Variants in CEP131 observed in about 807,000 individuals in gnomAD.
The protein encoded by CEP131 is centrosomal protein 131.
In CEP131, 99 loss-of-function variants were observed where a neutral mutation model predicts 136.8. The observed-to-expected ratio is 0.72, with a 90% confidence interval of 0.62 to 0.86. The LOEUF (loss-of-function observed/expected upper bound fraction) is 0.86. Ranked by LOEUF, CEP131 falls within the 40% of genes least tolerant of loss-of-function variation. CEP131 has a pLI of 0.00. For synonymous variants in CEP131, 646 were observed against 612.7 expected, an observed-to-expected ratio of 1.05 and a Z score of -0.80; for missense variants, 1,459 against 1,463.0, an observed-to-expected ratio of 1.00 and a Z score of 0.04.
intron 16 of CEP131, 76 bp from the exon 17 acceptor site, chr17:81,195,048 G>C (rs2061725088): frequency 8.7e-7 from 1 of 1,147,584 alleles, no homozygotes; most frequent in Admixed American, 1.9e-5. Flanking sequence ...GGCACAGTCA[G>C]GGCCGGGCTT....
intron 2 of CEP131, among the ~76,000 whole-genome samples, chr17:81,213,757 C>T (rs2146705930): frequency 6.6e-6 from 1 of 152,284 alleles, no homozygotes; most frequent in South Asian, 2.1e-4. Context: ...CCTGACCCTC[C>T]ACCTTGGCCA....
intron 13 of CEP131, chr17:81,197,345 T>C: frequency 1.9e-6 from 1 of 534,762 alleles, no homozygotes; most frequent in Non-Finnish European, 3.3e-6. Flanking sequence ...CTGCTCCATT[T>C]AGCCTGGCCG....
chr17:81,195,027 G>C, intron 16 of CEP131, 55 bp from the exon 17 acceptor site: 1 of 1,402,818 alleles, frequency 7.1e-7, no homozygotes. Flanking sequence ...CCGTCCCTTT[G>C]CCACCCTGTG....
chr17:81,200,195 G>A (rs957149022), intron 8 of CEP131, 134 bp downstream of exon 8: 64 of 728,708 alleles, frequency 8.8e-5, no homozygotes, highest in Admixed American at 3.8e-4. Context: ...GGGTCAAGAA[G>A]GATGCTGCAC....
intron 21 of CEP131, among the ~76,000 whole-genome samples, chr17:81,191,703 G>A (rs1230002092): frequency 2.0e-5 from 3 of 152,182 alleles, no homozygotes; most frequent in African/African-American, 7.2e-5. Context: ...CAGCCTCCTG[G>A]AAGCCTCTGA....
Position 81,205,785 on chromosome 17 carries a change from G to A in CEP131, c.515+959C>T, listed in dbSNP as rs113661837. Among the ~76,000 whole-genome samples the A allele has an allele frequency of 1.8e-4, 27 of 152,222 alleles. 3 individuals carry two copies. Among genetic ancestry groups the A allele is most frequent in the African/African-American group, 5.5e-4 (23 of 41,522 alleles). On this transcript the variant is annotated intron_variant, in intron 5 of 25. Coordinates refer to ENST00000450824, the MANE Select transcript of CEP131 (RefSeq NM_014984.4). ...GTGGTGTTGTGCACCTGTGGTCCCAGCTGCTCCGAAGGCTGAAGGGGGAGG... is the reference window on the plus strand; with the variant it reads ...GTGGTGTTGTGCACCTGTGGTCCCAACTGCTCCGAAGGCTGAAGGGGGAGG...
At chr17:81,199,600 G>C in intron 9 of CEP131, 51 bp from the exon 10 acceptor site, 2 of 1,588,618 alleles carry the variant, frequency 1.3e-6, no homozygotes, top group Non-Finnish European at 1.7e-6. Flanking sequence ...ACGACCCCAG[G>C]CTCCACAGCC....
rs1306296774 is a variant in CEP131 at position 81,200,452 on chromosome 17, C to G, written c.789-6G>C. ...GGTTCACCTGGTGGATAAACCTGCC[C>G]GGAGAGCAGGACTCAGGGCCAAGAC... On this transcript the variant is annotated splice_region_variant and splice_polypyrimidine_tract_variant and intron_variant, in intron 7 of 25. Transcript: ENST00000450824. 6 of 1,544,342 alleles carry G rather than the reference C, an allele frequency of 3.9e-6. No individual in the cohort carries two copies. The South Asian group carries it at 4.8e-5, about 12-fold the overall frequency.
At chr17:81,191,134 C>T in intron 22 of CEP131, 50 bp from the exon 23 acceptor site, 1 of 1,605,466 alleles carries the variant, frequency 6.2e-7, no homozygotes, top group Non-Finnish European at 8.5e-7. Context: ...ACACACGGGT[C>T]CTTGCGCCTC....
At chr17:81,199,017 C>G in intron 10 of CEP131, 46 bp from the exon 11 acceptor site, 1 of 1,453,242 alleles carries the variant, frequency 6.9e-7, no homozygotes, top group Admixed American at 2.6e-5. Flanking sequence ...CATCCCGGGG[C>G]GGGCAGCAAC....
In CEP131 at chr17:81,203,051, C is replaced by A. The variant is rs1360744282; in HGVS notation, c.629+443G>T. On this transcript the variant is annotated intron_variant, in intron 6 of 25. Transcript: ENST00000450824. This position sits in a 1 kb window ranked among gnomAD's most constrained non-coding sequence, Gnocchi z 4.6. ...GACCCCTGAGCAACCCCAAGGCCAT[C>A]CCCAATCCCCGCAAGACCATGTGGT... 1.3e-5 allele frequency among the ~76,000 whole-genome samples: 2 copies of A among 152,326 alleles called. No homozygotes were observed. The highest frequency in any genetic ancestry group is 3.4e-3 in the Middle Eastern group (1 of 294).
intron 2 of CEP131, 118 bp from the exon 3 acceptor site, chr17:81,209,140 AG>A: frequency 1.3e-6 from 1 of 747,344 alleles, no homozygotes; most frequent in Non-Finnish European, 2.2e-6. Context: ...CTAGGGTTAC[AG>A]GTGGCCCAAG....
rs1338592711 is a variant in CEP131 at position 81,219,168 on chromosome 17, G to A, written c.177+712C>T. ...TCCTCCCTACTCCCAGAGGTGGGCA[G>A]GAAAGGCAGCTCTCACCCCGAAGCT... On this transcript the variant is annotated intron_variant, in intron 2 of 25. Coordinates refer to ENST00000450824, the MANE Select transcript of CEP131 (RefSeq NM_014984.4). This position sits in a 1 kb window ranked among gnomAD's most constrained non-coding sequence, Gnocchi z 4.0. 1.3e-5 allele frequency among the ~76,000 whole-genome samples: 2 copies of A among 152,184 alleles called. No individual in the cohort carries two copies. Among genetic ancestry groups the A allele is most frequent in the Admixed American group, 6.5e-5 (1 of 15,272 alleles).
At chr17:81,192,034 G>A (rs981069812) in intron 21 of CEP131, among the ~76,000 whole-genome samples, 8 of 152,182 alleles carry the variant, frequency 5.3e-5, no homozygotes, top group Admixed American at 1.3e-4. Flanking sequence ...GTCGTGGGGC[G>A]CAGGGGTGTA....
intron 7 of CEP131, 49 bp downstream of exon 7, chr17:81,202,191 C>G: frequency 2.2e-6 from 3 of 1,366,390 alleles, no homozygotes; most frequent in Non-Finnish European, 2.9e-6. Context: ...GCCTGCCCAC[C>G]TCTGTGTTCT....
chr17:81,217,640 A>G (rs918143765), intron 2 of CEP131, among the ~76,000 whole-genome samples: 8 of 152,156 alleles, frequency 5.3e-5, no homozygotes, highest in African/African-American at 1.9e-4. Flanking sequence ...AACAGAAGGC[A>G]GACAGGCATG....
chr17:81,197,873 A>G lies in CEP131; in HGVS notation c.1486T>C (p.Ser496Pro), dbSNP rs1233412355. The G allele has an allele frequency of 6.2e-7, 1 of 1,612,596 alleles. No homozygotes were observed. Among genetic ancestry groups the G allele is most frequent in the South Asian group, 1.1e-5 (1 of 91,054 alleles). Residue 496 changes from serine to proline, a missense_variant, in exon 13 of 26, where the codon TCT becomes CCT. Physicochemically the swap from Ser to Pro is moderately conservative, Grantham distance 74 (BLOSUM62 -1). Around this residue, in one of 3 missense-constraint regions of CEP131, gnomAD observed 1,026 missense variants for 964.2 expected, o/e 1.06. Transcript: ENST00000450824. ...TTCTCCAAGTTGTCAGCTGTCAGAGAGCTGGCGTCATCCTCCTGTGGGACA... is the reference window on the plus strand; with the variant it reads ...TTCTCCAAGTTGTCAGCTGTCAGAGGGCTGGCGTCATCCTCCTGTGGGACA... ...AWASEEDDAS[S>P]LTADNLEKFG...
chr17:81,209,383 C>T (rs1567874905), intron 2 of CEP131, among the ~76,000 whole-genome samples: 1 of 152,220 alleles, frequency 6.6e-6, no homozygotes, highest in Non-Finnish European at 1.5e-5. Flanking sequence ...CCCTTCACCC[C>T]GCGGTCTCCT....
In CEP131 at chr17:81,194,937, G is replaced by A. The variant is rs373114995; in HGVS notation, c.2052C>T (p.Thr684=). The change falls in exon 17 of 26, where the codon ACC becomes ACT. Residue 684 remains threonine, a synonymous_variant. Transcript: ENST00000450824. ...TCCACTTCTCCCGGCGGGCTTTCTC[G>A]GTGGCGCTCATTAATTCTTTGAGTT... is the stretch of plus-strand genomic sequence containing the variant. The part of the protein sequence containing the change: ...IKKLKELMSA[T]EKARREKWIS... 1.3e-4 allele frequency: 202 copies of A among 1,612,948 alleles called. 3 individuals carry two copies. The highest frequency in any genetic ancestry group is 5.0e-4 in the Middle Eastern group (3 of 6,054).
Sources: gnomAD v4.1 joint callset for allele counts (sites outside exome capture counted in the v4.1 genomes callset) on GRCh38, gnomAD v4.1.1 for gene constraint, gnomAD v4.1.1 regional missense constraint, Gnocchi (gnomAD v3.1) non-coding constraint, MANE v1.5 for transcripts, NCBI Gene and HGNC (gene_info 2026-07-23, HGNC 2026-07-21) for gene names.